RAI1: variants seen among roughly 807,000 people sequenced by gnomAD.
RAI1 encodes the protein retinoic acid-induced protein 1.
In RAI1, 9 loss-of-function variants were observed where a neutral mutation model predicts 123.8. The ratio of observed to expected loss-of-function variants is 0.07; its 90% CI spans 0.04 to 0.13. The LOEUF (loss-of-function observed/expected upper bound fraction) is 0.13, where lower values mean the gene tolerates loss of function less well. Among genes scored for constraint, RAI1 ranks in the 10% least tolerant of loss-of-function variants. The pLI, the probability that RAI1 is intolerant of heterozygous loss-of-function variation, is 1.00. For synonymous variants in RAI1, 1,231 were observed against 1,127.3 expected, an observed-to-expected ratio of 1.09 and a Z score of -1.84; for missense variants, 2,256 against 2,545.8, an observed-to-expected ratio of 0.89 and a Z score of 2.45.
Position 17,809,856 on chromosome 17 carries a change from C to T in RAI1, c.5710-114C>T. 2 of 1,447,920 alleles carry T rather than the reference C, an allele frequency of 1.4e-6. No homozygotes were observed. The highest frequency in any genetic ancestry group is 1.4e-5 in the African/African-American group (1 of 70,542). The allele number at this position is 1,447,920 out of a possible 1,614,324, so 89.7% of individuals were successfully genotyped here. On this transcript the variant is annotated intron_variant, in intron 5 of 5. Coordinates refer to ENST00000353383, the MANE Select transcript of RAI1 (RefSeq NM_030665.4). This position sits in a 1 kb window ranked among gnomAD's most constrained non-coding sequence, Gnocchi z 4.9. ...CGGCCTCGGGCGGAGACCCCAGCCG[C>T]GCTCTGGGGTCGCCTGGGTCTGGGG...
intron 2 of RAI1, among the ~76,000 whole-genome samples, chr17:17,743,752 T>C (rs926951833): frequency 6.6e-6 from 1 of 152,222 alleles, no homozygotes. Context: ...TTAATCTCAA[T>C]CCTTAGAGGT....
rs1324806317 is a variant in RAI1 at position 17,685,961 on chromosome 17, G to A, written c.-149+4168G>A. ...CGCCCCAGACCAAAACAGACGTCCT[G>A]TCTCCTCCTCCTCTGACCTCCGAGG... On this transcript the variant is annotated intron_variant, in intron 1 of 5. Transcript: ENST00000353383. This position sits in a 1 kb window ranked among gnomAD's most constrained non-coding sequence, Gnocchi z 4.0. Among the ~76,000 whole-genome samples, 3 of 152,194 alleles carry A rather than the reference G, an allele frequency of 2.0e-5. No individual in the cohort carries two copies. The highest frequency in any genetic ancestry group is 4.8e-5 in the African/African-American group (2 of 41,444).
At chr17:17,769,402 G>A (rs961788939) in intron 2 of RAI1, among the ~76,000 whole-genome samples, 5 of 152,242 alleles carry the variant, frequency 3.3e-5, no homozygotes, top group Non-Finnish European at 7.3e-5. Context: ...TGCAGCATGT[G>A]GGGCTGGGAG....
At chr17:17,686,568 CGTGTGT>C (rs58906330) in intron 1 of RAI1, among the ~76,000 whole-genome samples, 1,848 of 124,472 alleles carry the variant, frequency 0.015, 36 homozygotes, top group African/African-American at 0.045. Context: ...TTCTTGAACC[CGTGTGT>C]GTGTGTGTGT....
chr17:17,788,547 C>G (rs146457150), intron 2 of RAI1, among the ~76,000 whole-genome samples: 2 of 152,186 alleles, frequency 1.3e-5, no homozygotes, highest in Non-Finnish European at 2.9e-5. Flanking sequence ...TTCTGGAGCC[C>G]TGGTACACTG....
Position 17,797,332 on chromosome 17 carries a change from C to G in RAI1, c.4384C>G (p.Pro1462Ala), listed in dbSNP as rs2032297501. The G allele has an allele frequency of 1.2e-6, 2 of 1,612,228 alleles. No homozygotes were observed. Among genetic ancestry groups the G allele is most frequent in the Non-Finnish European group, 1.7e-6 (2 of 1,179,784 alleles). The stretch of plus-strand genomic sequence containing the variant: ...AGGGGCCCATGGACTCTCCAAAGGC[C>G]CGCTGGAGAAGCGGCCCTATCTTGG... ...RAGAHGLSKG[P>A]LEKRPYLGPA... Residue 1462 changes from proline to alanine, a missense_variant, in exon 3 of 6, where the codon CCG (proline) becomes GCG (alanine). Around this residue, in one of 7 missense-constraint regions of RAI1, gnomAD observed 410 missense variants for 374.6 expected, o/e 1.09. Coordinates refer to ENST00000353383, the MANE Select transcript of RAI1 (RefSeq NM_030665.4).
chr17:17,686,608 T>TGTGTGTGC (rs1491248703), intron 1 of RAI1, among the ~76,000 whole-genome samples: 5 of 137,764 alleles, frequency 3.6e-5, no homozygotes, highest in Non-Finnish European at 4.7e-5. Flanking sequence ...TGTGTGTGTG[T>TGTGTGTGC]GCACGCGCGC....
intron 2 of RAI1, among the ~76,000 whole-genome samples, chr17:17,762,961 G>C (rs991176941): frequency 4.6e-5 from 7 of 151,896 alleles, no homozygotes; most frequent in Non-Finnish European, 1.0e-4. Context: ...GCTCCAGGTG[G>C]TTCCCCGCTG....
At chr17:17,758,730 G>A (rs2030554055) in intron 2 of RAI1, among the ~76,000 whole-genome samples, 1 of 152,244 alleles carries the variant, frequency 6.6e-6, no homozygotes, top group Non-Finnish European at 1.5e-5. Flanking sequence ...GTATGTACGA[G>A]GAGCATACTC....
chr17:17,713,608 T>A (rs1915629097), intron 1 of RAI1, among the ~76,000 whole-genome samples: 1 of 152,114 alleles, frequency 6.6e-6, no homozygotes, highest in Non-Finnish European at 1.5e-5. Context: ...GCTACTGTAC[T>A]GCAGCCTGGG....
chr17:17,805,489 C>T (rs537076820), intron 4 of RAI1, among the ~76,000 whole-genome samples: 1 of 152,300 alleles, frequency 6.6e-6, no homozygotes, highest in East Asian at 1.9e-4. Context: ...CAGGCCCCCC[C>T]AGGCTCCCGT....
At position 17,810,187 on chromosome 17, in the gene RAI1, G is replaced by A. The variant is rs2032704678; in HGVS notation, c.*206G>A. On this transcript the variant is annotated 3_prime_UTR_variant, in exon 6 of 6. Transcript: ENST00000353383. The surrounding 1 kb of genome is among the most constrained non-coding windows in gnomAD (Gnocchi z 4.6). ...CGGGTTGGGAGGAAAACCCGTTCCG[G>A]AGCCGCCTGCTCCCGGAACCGGACG... The A allele has an allele frequency of 1.4e-6, 1 of 710,172 alleles. No individual in the cohort carries two copies. The highest frequency in any genetic ancestry group is 2.2e-6 in the Non-Finnish European group (1 of 448,238). The allele number at this position is 710,172 out of a possible 1,614,324, so 44.0% of individuals were successfully genotyped here. A position where few individuals can be genotyped will look rare whatever the true frequency, so the allele number is the denominator to read the frequency against.
chr17:17,783,358 G>T (rs983748728), intron 2 of RAI1, among the ~76,000 whole-genome samples: 7 of 152,148 alleles, frequency 4.6e-5, no homozygotes, highest in Non-Finnish European at 8.8e-5. Context: ...GGAGGCGGCG[G>T]CGCGGCGTCT....
At chr17:17,803,692 C>G (rs1278491407) in intron 3 of RAI1, 64 bp from the exon 4 acceptor site, 1 of 1,483,242 alleles carries the variant, frequency 6.7e-7, no homozygotes, top group Non-Finnish European at 9.4e-7. Flanking sequence ...GGCCTACCAG[C>G]CTGTAAAGCT....
Position 17,766,196 on chromosome 17 carries a change from G to A in RAI1, c.-16-26737G>A, listed in dbSNP as rs539368200. 5.3e-5 allele frequency: 8 copies of A among 152,320 alleles called. No individual in the cohort carries two copies. The East Asian group carries it at 1.2e-3, about 22-fold the overall frequency. The allele number at this position is 152,320 out of a possible 1,614,324, so 9.4% of individuals were successfully genotyped here. A position where few individuals can be genotyped will look rare whatever the true frequency, so the allele number is the denominator to read the frequency against. On this transcript the variant is annotated intron_variant, in intron 2 of 5. Coordinates refer to ENST00000353383, the MANE Select transcript of RAI1 (RefSeq NM_030665.4). The stretch of plus-strand genomic sequence containing the variant: ...TTGTTTTTAAGAAACATATGGCCTA[G>A]TTGTTACTTTGGCTGGCCTCCCCAA...
At chr17:17,768,640 A>G (rs1172183418) in intron 2 of RAI1, among the ~76,000 whole-genome samples, 1 of 152,204 alleles carries the variant, frequency 6.6e-6, no homozygotes, top group East Asian at 1.9e-4. Flanking sequence ...GGCTGTGTGG[A>G]GTGCCAGCCA....
intron 4 of RAI1, among the ~76,000 whole-genome samples, chr17:17,807,956 A>G (rs4925114): frequency 0.53 from 79,900 of 152,060 alleles, 22,460 homozygotes; most frequent in Non-Finnish European, 0.64. Context: ...GCCTGCTACC[A>G]CCCAGCCCTG....
At chr17:17,688,849 C>T (rs556577127) in intron 1 of RAI1, among the ~76,000 whole-genome samples, 82 of 152,272 alleles carry the variant, frequency 5.4e-4, no homozygotes, top group African/African-American at 1.9e-3. Context: ...CCGCCTGCCT[C>T]GGCCTCCCAA....
Sources: allele counts gnomAD v4.1 joint callset (sites outside exome capture counted in the v4.1 genomes callset), GRCh38; gene constraint gnomAD v4.1.1; regional missense constraint gnomAD v4.1.1; non-coding constraint Gnocchi (gnomAD v3.1); transcripts MANE v1.5; gene names NCBI Gene and HGNC (gene_info 2026-07-23, HGNC 2026-07-21).